The following TENM1 variants were observed in gnomAD, a reference collection of about 807,000 sequenced individuals.
The protein encoded by TENM1 is teneurin transmembrane protein 1, also known as teneurin-1.
A neutral mutation model predicts 174.8 loss-of-function variants in TENM1; 35 were observed. The ratio of observed to expected loss-of-function variants is 0.20; its 90% CI spans 0.15 to 0.27. The LOEUF (loss-of-function observed/expected upper bound fraction) is 0.27. Among genes scored for constraint, TENM1 ranks in the 10% least tolerant of loss-of-function variants. TENM1 has a pLI of 1.00. For synonymous variants in TENM1, 781 were observed against 798.7 expected (o/e 0.98, Z 0.37); for missense variants, 1,633 against 2,130.1 (o/e 0.77, Z 4.59).
chrX:124,649,036 C>T (rs908061856), intron 8 of TENM1, among the ~76,000 whole-genome samples: 1 of 111,135 alleles, frequency 9.0e-6, no homozygotes, highest in Non-Finnish European at 1.9e-5. Flanking sequence ...TTGGAACAGC[C>T]GAGGGACTCC....
At chrX:124,459,397 T>C (rs150045530) in intron 22 of TENM1, among the ~76,000 whole-genome samples, 1,715 of 111,243 alleles carry the variant, frequency 0.015, 30 homozygotes, top group African/African-American at 0.053. Flanking sequence ...TAGGTACTAA[T>C]GTAATTTTTT....
At chrX:124,977,161 A>C in the TENM1 span, among the ~76,000 whole-genome samples, 1 of 111,733 alleles carries the variant, frequency 8.9e-6, no homozygotes, top group East Asian at 2.8e-4. Context: ...TTCATACTAA[A>C]GATTAAATGC....
intron 11 of TENM1, among the ~76,000 whole-genome samples, chrX:124,610,525 G>A (rs1006569318): frequency 9.0e-6 from 1 of 110,982 alleles, no homozygotes; most frequent in Non-Finnish European, 1.9e-5. Context: ...TCAACTCTTT[G>A]ATTACAATAA....
chrX:124,476,118 G>T (rs1387694796), intron 22 of TENM1, among the ~76,000 whole-genome samples: 4 of 111,754 alleles, frequency 3.6e-5, no homozygotes, highest in African/African-American at 1.3e-4. Flanking sequence ...CCATTGAACA[G>T]GAGAACCAAA....
intron 1 of TENM1, among the ~76,000 whole-genome samples, chrX:124,921,784 G>C (rs2058026142): frequency 9.0e-6 from 1 of 111,497 alleles, no homozygotes; most frequent in South Asian, 3.7e-4. Flanking sequence ...AGCCACATGT[G>C]ACTATTGTAC....
rs185566204 is a variant in TENM1 at position 124,608,306 on chromosome X, C to T, written c.2077+33485G>A. 4.5e-5 allele frequency among the ~76,000 whole-genome samples: 5 copies of T among 111,474 alleles called. No homozygotes were observed. The Admixed American group carries it at 4.8e-4, about 11-fold the overall frequency. On this transcript the variant is annotated intron_variant, in intron 11 of 31. Transcript: ENST00000422452. ...TAATATACATCAGTTTTCAGCTTTC[C>T]AAAGCCATGTTCATTATCTCTGAAC...
At chrX:125,059,740 A>C in the TENM1 span, among the ~76,000 whole-genome samples, 1 of 111,644 alleles carries the variant, frequency 9.0e-6, no homozygotes, top group African/African-American at 3.3e-5. Flanking sequence ...CAACAGACAA[A>C]TGAATAAACT....
chrX:125,020,626 C>T, the TENM1 span, among the ~76,000 whole-genome samples: 1 of 109,856 alleles, frequency 9.1e-6, no homozygotes, highest in Admixed American at 9.8e-5. Flanking sequence ...CAGAGGAATT[C>T]TGAAGAATTG....
chrX:124,731,522 C>T (rs888072544), intron 4 of TENM1, among the ~76,000 whole-genome samples: 5 of 111,552 alleles, frequency 4.5e-5, no homozygotes, highest in Non-Finnish European at 9.4e-5. Context: ...TGAAGTGTGA[C>T]AGGAGACTAG....
chrX:124,868,790 A>T (rs2057054343), intron 3 of TENM1, among the ~76,000 whole-genome samples: 1 of 111,631 alleles, frequency 9.0e-6, no homozygotes, highest in African/African-American at 3.3e-5. Context: ...ATAAGAAAAA[A>T]CCTAATAATC....
At chrX:124,422,602 G>A in exon 24 of TENM1, 1 of 1,209,714 alleles carries the variant, frequency 8.3e-7, no homozygotes, top group Non-Finnish European at 1.1e-6. Flanking sequence ...TTGTCCATAG[G>A]ATTTACTGCA....
At chrX:124,403,902 C>T (rs2060430516) in intron 27 of TENM1, among the ~76,000 whole-genome samples, 1 of 111,105 alleles carries the variant, frequency 9.0e-6, no homozygotes, top group Admixed American at 9.6e-5. Context: ...CCAAAACACT[C>T]ACCCCGTCAT....
intron 28 of TENM1, among the ~76,000 whole-genome samples, chrX:124,386,508 G>A (rs1481993525): frequency 9.0e-6 from 1 of 110,628 alleles, no homozygotes; most frequent in Non-Finnish European, 1.9e-5. Flanking sequence ...GCCTTGTGAG[G>A]GTCTGGATAT....
intron 3 of TENM1, among the ~76,000 whole-genome samples, chrX:124,769,093 T>G (rs1224990391): frequency 1.8e-5 from 2 of 112,290 alleles, no homozygotes; most frequent in Non-Finnish European, 3.8e-5. Flanking sequence ...TATCTAATGT[T>G]AAATACAATT....
chrX:124,736,694 G>A (rs764091319), intron 4 of TENM1, among the ~76,000 whole-genome samples: 1 of 112,051 alleles, frequency 8.9e-6, no homozygotes, highest in East Asian at 2.8e-4. Context: ...ATATGTGACA[G>A]CAGGGTGTTT....
the TENM1 span, among the ~76,000 whole-genome samples, chrX:125,142,666 T>C: frequency 9.0e-6 from 1 of 111,572 alleles, no homozygotes; most frequent in East Asian, 2.8e-4. Context: ...GCAATTCTAC[T>C]GAAGTCTGAC....
chrX:125,035,942 T>C, the TENM1 span, among the ~76,000 whole-genome samples: 3 of 110,772 alleles, frequency 2.7e-5, no homozygotes, highest in African/African-American at 9.8e-5. Flanking sequence ...AAAAATATTA[T>C]GGGAACTCTG....
At chrX:124,830,747 G>T (rs1375045355) in intron 3 of TENM1, among the ~76,000 whole-genome samples, 2 of 110,874 alleles carry the variant, frequency 1.8e-5, no homozygotes, top group Non-Finnish European at 3.8e-5. Context: ...TTCGTATAAT[G>T]AAGAAAAAAA....
chrX:124,438,786 G>C (rs1156433777), intron 23 of TENM1, among the ~76,000 whole-genome samples: 1 of 110,906 alleles, frequency 9.0e-6, no homozygotes, highest in Non-Finnish European at 1.9e-5. Context: ...CTGTCACTTT[G>C]GAGGGAGCAA....
Sources: allele counts gnomAD v4.1 joint callset (sites outside exome capture counted in the v4.1 genomes callset), GRCh38; gene constraint gnomAD v4.1.1; transcripts MANE v1.5; gene names NCBI Gene and HGNC (gene_info 2026-07-23, HGNC 2026-07-21).